KCND2: variants seen among roughly 807,000 people sequenced by gnomAD.
KCND2 encodes the protein potassium voltage-gated channel subfamily D member 2.
In KCND2, 16 loss-of-function variants were observed where a neutral mutation model predicts 54.4. The ratio of observed to expected loss-of-function variants is 0.29; its 90% CI spans 0.20 to 0.45. The LOEUF (loss-of-function observed/expected upper bound fraction) is 0.45. KCND2 is among the 20% of genes least tolerant of loss of function. The probability of loss-of-function intolerance (pLI) is 1.00; values close to 1 mark genes in which losing one functional copy is unlikely to be tolerated. For missense variants in KCND2, 486 were observed against 824.2 expected (o/e 0.59, Z 5.02); for synonymous variants, 317 against 310.7 (o/e 1.02, Z -0.21).
At chr7:120,633,897 T>C (rs927141049) in intron 1 of KCND2, among the ~76,000 whole-genome samples, 1 of 152,180 alleles carries the variant, frequency 6.6e-6, no homozygotes, top group African/African-American at 2.4e-5. Context: ...ATATATACAA[T>C]TTTAAGTTGG....
At chr7:120,323,830 G>T (rs2116334649) in intron 1 of KCND2, among the ~76,000 whole-genome samples, 1 of 104,344 alleles carries the variant, frequency 9.6e-6, no homozygotes, top group Admixed American at 1.1e-4. Flanking sequence ...GGGATGGCTG[G>T]GTCAAATGGT....
chr7:120,482,610 A>G (rs1314357302), intron 1 of KCND2, among the ~76,000 whole-genome samples: 1 of 152,134 alleles, frequency 6.6e-6, no homozygotes, highest in African/African-American at 2.4e-5. Flanking sequence ...GGAGTGGGCT[A>G]GTTATCTTGG....
chr7:120,587,949 T>C (rs1792620888), intron 1 of KCND2, among the ~76,000 whole-genome samples: 1 of 152,170 alleles, frequency 6.6e-6, no homozygotes, highest in Non-Finnish European at 1.5e-5. Context: ...AATCCTGGGG[T>C]CTTTTGCTTA....
intron 1 of KCND2, among the ~76,000 whole-genome samples, chr7:120,395,542 A>G (rs780987593): frequency 6.6e-6 from 1 of 152,052 alleles, no homozygotes; most frequent in Non-Finnish European, 1.5e-5. Context: ...TGATCAGAGA[A>G]GCAATTGTTA....
chr7:120,384,787 G>A (rs923781618), intron 1 of KCND2, among the ~76,000 whole-genome samples: 5 of 152,088 alleles, frequency 3.3e-5, no homozygotes, highest in Non-Finnish European at 7.4e-5. Context: ...TAGCTTGTCA[G>A]AACTTAATAA....
chr7:120,698,217 G>A (rs751106506), intron 1 of KCND2, among the ~76,000 whole-genome samples: 8 of 152,024 alleles, frequency 5.3e-5, no homozygotes, highest in Middle Eastern at 3.2e-3. Flanking sequence ...GTTTTGCCAT[G>A]TTGGCCAGGC....
At chr7:120,477,110 T>A (rs112048720) in intron 1 of KCND2, among the ~76,000 whole-genome samples, 4,232 of 152,226 alleles carry the variant, frequency 0.028, 89 homozygotes, top group Non-Finnish European at 0.046. Context: ...TTGGATTTGT[T>A]TAGAAATGCT....
At chr7:120,511,842 G>A (rs1048513220) in intron 1 of KCND2, among the ~76,000 whole-genome samples, 2 of 152,060 alleles carry the variant, frequency 1.3e-5, no homozygotes, top group African/African-American at 4.8e-5. Flanking sequence ...GTGCATCATT[G>A]AGAGCATTTA....
chr7:120,306,908 C>A (rs575847008), intron 1 of KCND2, among the ~76,000 whole-genome samples: 2 of 152,142 alleles, frequency 1.3e-5, no homozygotes, highest in East Asian at 1.9e-4. Context: ...TGAACCCAAG[C>A]AGCTCTTCTG....
intron 1 of KCND2, among the ~76,000 whole-genome samples, chr7:120,531,036 A>G (rs2116364217): frequency 6.6e-6 from 1 of 152,176 alleles, no homozygotes; most frequent in Non-Finnish European, 1.5e-5. Flanking sequence ...GCCAGCCTAT[A>G]TGTGAGCAGC....
At chr7:120,395,552 A>G (rs1184322173) in intron 1 of KCND2, among the ~76,000 whole-genome samples, 2 of 152,074 alleles carry the variant, frequency 1.3e-5, no homozygotes, top group Non-Finnish European at 2.9e-5. Context: ...AGCAATTGTT[A>G]TTGAACGGGT....
At chr7:120,603,469 T>C (rs1792840062) in intron 1 of KCND2, among the ~76,000 whole-genome samples, 1 of 152,180 alleles carries the variant, frequency 6.6e-6, no homozygotes, top group Non-Finnish European at 1.5e-5. Context: ...GTTCAATCTA[T>C]ACTATGCTCT....
At chr7:120,349,286 C>G (rs1188959140) in intron 1 of KCND2, among the ~76,000 whole-genome samples, 3 of 150,230 alleles carry the variant, frequency 2.0e-5, no homozygotes, top group Non-Finnish European at 4.4e-5. Flanking sequence ...GCCACCACAT[C>G]TAAGCTGCTA....
At chr7:120,602,976 A>G (rs13438753) in intron 1 of KCND2, among the ~76,000 whole-genome samples, 14,907 of 152,214 alleles carry the variant, frequency 0.098, 1,024 homozygotes, top group African/African-American at 0.21. Flanking sequence ...ATTAAACTAG[A>G]TGGAAATGCT....
At chr7:120,359,293 G>A (rs191460659) in intron 1 of KCND2, among the ~76,000 whole-genome samples, 20 of 152,128 alleles carry the variant, frequency 1.3e-4, no homozygotes, top group Middle Eastern at 6.8e-3. Flanking sequence ...AACTTATTCT[G>A]TATATGTAAT....
At chr7:120,701,390 T>C (rs1015759294) in intron 1 of KCND2, among the ~76,000 whole-genome samples, 1 of 151,942 alleles carries the variant, frequency 6.6e-6, no homozygotes, top group Non-Finnish European at 1.5e-5. Context: ...ATAGGGAGAC[T>C]GGAACAAGAA....
intron 1 of KCND2, among the ~76,000 whole-genome samples, chr7:120,645,002 C>T (rs890989532): frequency 2.0e-5 from 3 of 151,894 alleles, no homozygotes; most frequent in African/African-American, 7.3e-5. Context: ...TTTTATATGT[C>T]CCATATCTGC....
chr7:120,734,314 A>G (rs1355679088), intron 2 of KCND2, among the ~76,000 whole-genome samples: 2 of 152,118 alleles, frequency 1.3e-5, no homozygotes, highest in African/African-American at 4.8e-5. Context: ...TTTAGGCTAA[A>G]CTTAAAATAT....
In KCND2 at chr7:120,745,805, T is replaced by A; in HGVS notation, c.1493T>A (p.Val498Asp). 1.2e-6 allele frequency: 2 copies of A among 1,613,776 alleles called. No homozygotes were observed. The highest frequency in any genetic ancestry group is 1.7e-6 in the Non-Finnish European group (2 of 1,179,776). ...AATCACGAGTTTGTGGACGAACAAG[T>A]CTTTGAAGAAAGCTGCATGGAAGTT... The part of the protein sequence containing the change: ...TTNHEFVDEQ[V>D]FEESCMEVAT... Residue 498 changes from valine (V) to aspartate (D), a missense_variant, in exon 5 of 6, where the codon GTC becomes GAC. This residue lies in a region of KCND2 where 202 missense variants were observed against 252.7 expected (regional missense o/e 0.80). Transcript: ENST00000331113.
Sources: allele counts gnomAD v4.1 joint callset (sites outside exome capture counted in the v4.1 genomes callset), GRCh38; gene constraint gnomAD v4.1.1; regional missense constraint gnomAD v4.1.1; transcripts MANE v1.5; gene names NCBI Gene and HGNC (gene_info 2026-07-23, HGNC 2026-07-21).